FKBP11: variants seen among roughly 807,000 people sequenced by gnomAD.
The protein encoded by FKBP11 is FKBP prolyl isomerase 11.
A neutral mutation model predicts 24.7 loss-of-function variants in FKBP11; 21 were observed. The observed-to-expected ratio is 0.85, with a 90% confidence interval of 0.60 to 1.23. The LOEUF (loss-of-function observed/expected upper bound fraction) is 1.23, where lower values mean the gene tolerates loss of function less well. Ranked by LOEUF, FKBP11 falls within the 50% of genes most tolerant of loss-of-function variation. The pLI is 0.00. For synonymous variants in FKBP11, 106 were observed against 100.6 expected, an observed-to-expected ratio of 1.05 and a Z score of -0.32; for missense variants, 245 against 248.7, an observed-to-expected ratio of 0.99 and a Z score of 0.10.
At chr12:48,922,979 T>G in intron 5 of FKBP11, 1 of 787,110 alleles carries the variant, frequency 1.3e-6, no homozygotes, top group African/African-American at 1.8e-5. Flanking sequence ...AGAAGCCCCA[T>G]CTCTACTAAA....
upstream of FKBP11, among the ~76,000 whole-genome samples, chr12:48,928,810 ACTT>A (rs752985225): frequency 3.6e-3 from 486 of 135,544 alleles, 2 homozygotes; most frequent in Non-Finnish European, 5.6e-3. Context: ...GCAGAAATAA[ACTT>A]CTATCTTTTT....
At chr12:48,926,808 T>TTTG (rs992370277), upstream of FKBP11, among the ~76,000 whole-genome samples, 7 of 150,570 alleles carry the variant, frequency 4.6e-5, no homozygotes, top group Admixed American at 1.3e-4. Context: ...TTTAAAAGTT[T>TTTG]TTGTTGTTGT....
upstream of FKBP11, among the ~76,000 whole-genome samples, chr12:48,931,127 T>TGAAAA (rs1453387483): frequency 3.6e-5 from 1 of 27,832 alleles, no homozygotes; most frequent in Non-Finnish European, 7.1e-5. Context: ...AGACTCCAGC[T>TGAAAA]TAAAAAAAAA....
chr12:48,930,895 G>A (rs1433201431), upstream of FKBP11, among the ~76,000 whole-genome samples: 5 of 152,086 alleles, frequency 3.3e-5, no homozygotes, highest in Admixed American at 1.3e-4. Flanking sequence ...TTGGGAGGCC[G>A]AGGCGGGCGG....
At chr12:48,929,154 GAAAA>G (rs1012317686), upstream of FKBP11, among the ~76,000 whole-genome samples, 1 of 145,510 alleles carries the variant, frequency 6.9e-6, no homozygotes, top group South Asian at 2.2e-4. Flanking sequence ...TTTAAGAAAA[GAAAA>G]AAAAAAGTCT....
At chr12:48,934,936 C>T in the FKBP11 span, among the ~76,000 whole-genome samples, 19 of 146,856 alleles carry the variant, frequency 1.3e-4, no homozygotes, top group Non-Finnish European at 2.4e-4. Context: ...TGCTTGAACC[C>T]GGGAGCCCAG....
At position 48,925,064 on chromosome 12, in the gene FKBP11, C is replaced by T. The variant is rs1476481306; in HGVS notation, c.177G>A (p.Thr59=). 6.2e-7 allele frequency: 1 copy of T among 1,613,308 alleles called. No individual in the cohort carries two copies. Among genetic ancestry groups the T allele is most frequent in the Non-Finnish European group, 8.5e-7 (1 of 1,179,788 alleles). ...PCAEPAAFGD[T]LHIHYTGSLV... is the part of the protein sequence containing the mutation. ...CCCTCACCGTGTAGTGTATGTGAAG[C>T]GTGTCTCCAAAAGCAGCGGGCTCGG... Residue 59 remains threonine, a synonymous_variant, in exon 2 of 6, where the codon ACG becomes ACA. Transcript: ENST00000550765.
chr12:48,923,964 A>T, intron 4 of FKBP11, 112 bp from the exon 5 acceptor site: 1 of 1,135,196 alleles, frequency 8.8e-7, no homozygotes, highest in East Asian at 2.3e-5. Flanking sequence ...CCAAAACACG[A>T]ATTTTTCCAC....
chr12:48,925,793 T>C (rs1370765087), upstream of FKBP11: 1 of 255,362 alleles, frequency 3.9e-6, no homozygotes, highest in Non-Finnish European at 7.7e-6. Context: ...TTGTTTCCAT[T>C]TTACAGATAA....
In FKBP11 at chr12:48,924,608, G is replaced by A. The variant is rs139881670; in HGVS notation, c.236C>T (p.Thr79Ile). 286 of 1,613,988 alleles carry A rather than the reference G, an allele frequency of 1.8e-4. No homozygotes were observed. Among genetic ancestry groups the A allele is most frequent in the Admixed American group, 2.8e-4 (17 of 59,994 alleles). ...VDGRIIDTSLTRDPLVIELGQ... is the reference protein window; with the variant it reads ...VDGRIIDTSLIRDPLVIELGQ... ...AAGTTCTATAACCAGAGGGTCTCTG[G>A]TCAGGGAGGTGTCAATAATACGTCC... The change falls in exon 3 of 6, where the codon ACC (threonine) becomes ATC (isoleucine). Residue 79 changes from threonine to isoleucine, a missense_variant. Thr to Ile is a moderately conservative substitution (Grantham distance 89, BLOSUM62 -1). Transcript: ENST00000550765.
At chr12:48,923,884 G>A (rs1003551385) in intron 4 of FKBP11, 32 bp from the exon 5 acceptor site, 3 of 1,605,266 alleles carry the variant, frequency 1.9e-6, no homozygotes, top group Middle Eastern at 1.7e-4. Flanking sequence ...ACAGCCAGAG[G>A]CAGGAGAGGT....
the FKBP11 span, among the ~76,000 whole-genome samples, chr12:48,932,506 C>T: frequency 1.3e-5 from 2 of 151,518 alleles, no homozygotes; most frequent in South Asian, 2.1e-4. Flanking sequence ...GAATGAAGCA[C>T]TTACTTACTT....
intron 5 of FKBP11, chr12:48,923,305 G>A (rs1592230629): frequency 1.4e-6 from 2 of 1,414,144 alleles, no homozygotes; most frequent in East Asian, 5.1e-5. Context: ...ACCAATGATG[G>A]CTTTTAAAGT....
intron 5 of FKBP11, 149 bp downstream of exon 5, chr12:48,923,633 G>A: frequency 6.4e-7 from 1 of 1,562,202 alleles, no homozygotes; most frequent in Non-Finnish European, 8.7e-7. Context: ...GGAAAAAGGT[G>A]GCCCTGTAGA....
At chr12:48,931,367 T>C, upstream of FKBP11, 5 of 1,500,942 alleles carry the variant, frequency 3.3e-6, no homozygotes, top group African/African-American at 1.4e-5. Context: ...AAGGTGGTAG[T>C]AGAAATGGAA....
chr12:48,933,325 G>T, the FKBP11 span, among the ~76,000 whole-genome samples: 1 of 152,152 alleles, frequency 6.6e-6, no homozygotes. Context: ...TGACCAGCAA[G>T]ACACTCTCTC....
chr12:48,922,416 C>T, intron 5 of FKBP11: 2 of 700,950 alleles, frequency 2.9e-6, no homozygotes, highest in Non-Finnish European at 2.1e-6. Context: ...ACACATGTGG[C>T]TTGGGTCCAG....
At chr12:48,935,938 G>T in the FKBP11 span, 1 of 152,194 alleles carries the variant, frequency 6.6e-6, no homozygotes, top group Non-Finnish European at 1.5e-5. Flanking sequence ...AAACCCTTTA[G>T]AACTAGAGGA....
At chr12:48,922,298 C>G in intron 5 of FKBP11, 97 bp from the exon 6 acceptor site, 1 of 1,115,944 alleles carries the variant, frequency 9.0e-7, no homozygotes, top group East Asian at 2.4e-5. Flanking sequence ...ACAGCAAAGC[C>G]AACAACTATG....
Sources: allele counts gnomAD v4.1 joint callset (sites outside exome capture counted in the v4.1 genomes callset), GRCh38; gene constraint gnomAD v4.1.1; transcripts MANE v1.5; gene names NCBI Gene and HGNC (gene_info 2026-07-23, HGNC 2026-07-21).